The following TSHZ2 variants were observed in gnomAD, a reference collection of about 807,000 sequenced individuals.
TSHZ2 encodes the protein teashirt zinc finger homeobox 2, also known as teashirt homolog 2.
In TSHZ2, 21 loss-of-function variants were observed where a neutral mutation model predicts 74.4. The ratio of observed to expected loss-of-function variants is 0.28; its 90% CI spans 0.20 to 0.41. The LOEUF (loss-of-function observed/expected upper bound fraction) is 0.41. Ranked by LOEUF, TSHZ2 falls within the 10% of genes least tolerant of loss-of-function variation. TSHZ2 has a pLI of 1.00. For synonymous variants in TSHZ2, 540 were observed against 515.3 expected (o/e 1.05, Z -0.65); for missense variants, 1,244 against 1,293.5 (o/e 0.96, Z 0.59).
intron 1 of TSHZ2, among the ~76,000 whole-genome samples, chr20:53,031,334 AC>A (rs891928635): frequency 2.6e-5 from 4 of 152,182 alleles, no homozygotes; most frequent in African/African-American, 9.6e-5. Flanking sequence ...CTTGTCAGTC[AC>A]CCACAAATTA....
chr20:53,237,896 G>A (rs1020601118), intron 1 of TSHZ2, among the ~76,000 whole-genome samples: 12 of 152,102 alleles, frequency 7.9e-5, no homozygotes, highest in Non-Finnish European at 1.6e-4. Flanking sequence ...TACTCGAGAC[G>A]GGTACAGTCA....
At chr20:53,180,399 G>A (rs533212258) in intron 1 of TSHZ2, among the ~76,000 whole-genome samples, 2 of 152,332 alleles carry the variant, frequency 1.3e-5, no homozygotes, top group Non-Finnish European at 2.9e-5. Context: ...ACAATCCGAA[G>A]TAGAAGAAAC....
intron 2 of TSHZ2, among the ~76,000 whole-genome samples, chr20:53,370,282 CGGA>C (rs1057207869): frequency 6.6e-6 from 1 of 152,084 alleles, no homozygotes; most frequent in African/African-American, 2.4e-5. Context: ...GTGGACTTCC[CGGA>C]GGAGGGGACC....
chr20:53,147,707 T>A (rs1010843981), intron 1 of TSHZ2, among the ~76,000 whole-genome samples: 1 of 151,670 alleles, frequency 6.6e-6, no homozygotes, highest in Non-Finnish European at 1.5e-5. Flanking sequence ...AAGTGGTGGG[T>A]CTATTTTGTT....
chr20:53,002,446 G>A (rs1317477329), intron 1 of TSHZ2, among the ~76,000 whole-genome samples: 2 of 151,828 alleles, frequency 1.3e-5, no homozygotes, highest in Non-Finnish European at 2.9e-5. Flanking sequence ...CAAATAAGCT[G>A]GCATGATTAT....
chr20:53,393,716 G>A (rs1982344849), intron 2 of TSHZ2, among the ~76,000 whole-genome samples: 1 of 151,644 alleles, frequency 6.6e-6, no homozygotes, highest in Non-Finnish European at 1.5e-5. Flanking sequence ...AAGGTCTGTA[G>A]TCTAGTTAAC....
chr20:53,052,984 A>G (rs1016417178), intron 1 of TSHZ2, among the ~76,000 whole-genome samples: 3 of 152,166 alleles, frequency 2.0e-5, no homozygotes, highest in Non-Finnish European at 4.4e-5. Context: ...TCTAATTTAG[A>G]ACATCTTCAT....
At chr20:53,289,738 C>G (rs200639) in intron 2 of TSHZ2, among the ~76,000 whole-genome samples, 92,148 of 151,988 alleles carry the variant, frequency 0.61, 28,016 homozygotes, top group Middle Eastern at 0.68. Context: ...GGAAGACATG[C>G]AAATATCTGG....
At chr20:53,331,758 T>C (rs1979730690) in intron 2 of TSHZ2, among the ~76,000 whole-genome samples, 1 of 151,682 alleles carries the variant, frequency 6.6e-6, no homozygotes, top group Non-Finnish European at 1.5e-5. Context: ...ACAAGCAGAA[T>C]GTTTTCCTGG....
intron 2 of TSHZ2, among the ~76,000 whole-genome samples, chr20:53,446,421 A>C (rs1288371504): frequency 6.6e-6 from 1 of 151,518 alleles, no homozygotes; most frequent in Non-Finnish European, 1.5e-5. Context: ...AAAAAAAAAA[A>C]AAAACTAGCC....
At chr20:53,296,102 C>T (rs545920162) in intron 2 of TSHZ2, among the ~76,000 whole-genome samples, 1 of 150,668 alleles carries the variant, frequency 6.6e-6, no homozygotes, top group Non-Finnish European at 1.5e-5. Context: ...TTTCTCCTCT[C>T]AGCCTTAGTT....
chr20:53,163,980 T>C (rs1302022412), intron 1 of TSHZ2, among the ~76,000 whole-genome samples: 1 of 152,258 alleles, frequency 6.6e-6, no homozygotes, highest in African/African-American at 2.4e-5. Flanking sequence ...TTATATTATA[T>C]TGTAATAACC....
intron 2 of TSHZ2, among the ~76,000 whole-genome samples, chr20:53,365,350 G>C (rs1981220143): frequency 6.6e-6 from 1 of 152,174 alleles, no homozygotes; most frequent in African/African-American, 2.4e-5. Context: ...GCTTGGGGGG[G>C]TCGGGGGAGG....
At chr20:52,992,835 G>A (rs1982043588) in intron 1 of TSHZ2, among the ~76,000 whole-genome samples, 2 of 152,196 alleles carry the variant, frequency 1.3e-5, no homozygotes, top group Non-Finnish European at 2.9e-5. Flanking sequence ...TGGAAGCAAA[G>A]TTATAGCATC....
intron 2 of TSHZ2, among the ~76,000 whole-genome samples, chr20:53,295,855 T>C (rs1168806163): frequency 6.6e-6 from 1 of 152,152 alleles, no homozygotes; most frequent in South Asian, 2.1e-4. Context: ...TTTTGGAGCA[T>C]AGAAGAAAAT....
intron 2 of TSHZ2, among the ~76,000 whole-genome samples, chr20:53,294,997 C>G (rs1173492272): frequency 6.6e-6 from 1 of 152,182 alleles, no homozygotes; most frequent in East Asian, 1.9e-4. Context: ...GCTTGGTCCT[C>G]CCTGTGATCT....
At chr20:53,426,750 A>G (rs1477469336) in intron 2 of TSHZ2, among the ~76,000 whole-genome samples, 5 of 152,232 alleles carry the variant, frequency 3.3e-5, no homozygotes, top group Admixed American at 6.5e-5. Context: ...TTAGAAAGAA[A>G]TGTCCTGGAA....
intron 1 of TSHZ2, among the ~76,000 whole-genome samples, chr20:53,063,085 T>C (rs545120985): frequency 4.6e-5 from 7 of 152,162 alleles, no homozygotes; most frequent in African/African-American, 1.4e-4. Flanking sequence ...ATCATCATAA[T>C]AGATATAACA....
chr20:53,236,834 G>T (rs761191244), intron 1 of TSHZ2, among the ~76,000 whole-genome samples: 14 of 152,150 alleles, frequency 9.2e-5, no homozygotes, highest in African/African-American at 1.4e-4. Context: ...ATGAAGTGGG[G>T]AAAAGCCCCT....
Sources: gnomAD v4.1 joint callset for allele counts (sites outside exome capture counted in the v4.1 genomes callset) on GRCh38, gnomAD v4.1.1 for gene constraint, MANE v1.5 for transcripts, NCBI Gene and HGNC (gene_info 2026-07-23, HGNC 2026-07-21) for gene names.